The following SNX29 variants were observed in gnomAD, a reference collection of about 807,000 sequenced individuals.
SNX29 encodes the protein sorting nexin 29, also known as sorting nexin-29.
In SNX29, 78 loss-of-function variants were observed where a neutral mutation model predicts 102.1. That is an observed-to-expected ratio of 0.76 (90% CI 0.64 to 0.92). SNX29 has a LOEUF of 0.92. SNX29 is among the 40% of genes least tolerant of loss of function. SNX29 has a pLI of 0.00. For synonymous variants in SNX29, 580 were observed against 414.5 expected, an observed-to-expected ratio of 1.40 and a Z score of -4.85; for missense variants, 1,280 against 1,061.7, an observed-to-expected ratio of 1.21 and a Z score of -2.86.
At chr16:12,543,161 C>T (rs750565867) in intron 20 of SNX29, among the ~76,000 whole-genome samples, 2 of 152,128 alleles carry the variant, frequency 1.3e-5, no homozygotes, top group Non-Finnish European at 2.9e-5. Flanking sequence ...CATAAGTGTT[C>T]TCATCAGCTC....
intron 11 of SNX29, among the ~76,000 whole-genome samples, chr16:12,107,314 A>C (rs1014753617): frequency 2.7e-5 from 4 of 150,886 alleles, no homozygotes; most frequent in South Asian, 4.2e-4. Flanking sequence ...GCACGGGCCA[A>C]TCTGACTGAC....
intron 13 of SNX29, among the ~76,000 whole-genome samples, chr16:12,150,345 T>G (rs1401413103): frequency 6.6e-6 from 1 of 152,086 alleles, no homozygotes; most frequent in Non-Finnish European, 1.5e-5. Context: ...TGATTCCAGT[T>G]GTTTGGTTCT....
chr16:12,403,192 TTGTGTGTGTA>T (rs1414877713), intron 17 of SNX29, among the ~76,000 whole-genome samples: 4,788 of 129,592 alleles, frequency 0.037, 160 homozygotes, highest in African/African-American at 0.085. Flanking sequence ...GGAGTACAGA[TTGTGTGTGTA>T]TGTGTGTGTG....
In SNX29 at chr16:12,569,487, A is replaced by C. The variant is rs2079139599; in HGVS notation, c.*858A>C. 4.3e-6 allele frequency: 1 copy of C among 231,388 alleles called. No individual in the cohort carries two copies. Among genetic ancestry groups the C allele is most frequent in the African/African-American group, 2.2e-5 (1 of 45,242 alleles). 14.3% of individuals were successfully genotyped at this position (231,388 alleles called of 1,614,324 possible). On this transcript the variant is annotated 3_prime_UTR_variant, in exon 21 of 21. Coordinates refer to ENST00000566228, the MANE Select transcript of SNX29 (RefSeq NM_032167.5). Reference sequence around the variant, plus strand: ...GACTTGGGTCAGGGAACCACTGCAGAAGGTTCCAGGGTTTTCAAACCAGGC... The same window carrying C: ...GACTTGGGTCAGGGAACCACTGCAGCAGGTTCCAGGGTTTTCAAACCAGGC...
rs554417632 is a variant in SNX29 at position 12,456,013 on chromosome 16, G to A, written c.2038-21706G>A. On this transcript the variant is annotated intron_variant, in intron 18 of 20. Transcript: ENST00000566228. ...ATAGTAAAGATGAAGACTTGTAAAGGTACAATTGCAAGTAAATGTTCAGGT... is the reference window on the plus strand; with the variant it reads ...ATAGTAAAGATGAAGACTTGTAAAGATACAATTGCAAGTAAATGTTCAGGT... 2.6e-5 allele frequency among the ~76,000 whole-genome samples: 4 copies of A among 152,186 alleles called. No homozygotes were observed. In the South Asian group the frequency reaches 8.3e-4, roughly 32 times the overall value.
chr16:12,306,736 C>G (rs568767007), intron 15 of SNX29, among the ~76,000 whole-genome samples: 151 of 152,362 alleles, frequency 9.9e-4, no homozygotes, highest in Non-Finnish European at 1.8e-3. Context: ...GCTTCCCCAG[C>G]ACTTTAGAAA....
intron 11 of SNX29, among the ~76,000 whole-genome samples, chr16:12,112,523 A>G (rs1001282721): frequency 2.6e-5 from 4 of 152,200 alleles, no homozygotes; most frequent in African/African-American, 7.2e-5. Flanking sequence ...CGCAGAAGGC[A>G]TGGGTGGAAT....
intron 3 of SNX29, among the ~76,000 whole-genome samples, chr16:12,018,900 T>C (rs1209871520): frequency 6.6e-6 from 1 of 152,122 alleles, no homozygotes; most frequent in East Asian, 1.9e-4. Context: ...GGGTATATTA[T>C]CTTTTATTGC....
intron 19 of SNX29, among the ~76,000 whole-genome samples, chr16:12,508,134 T>TA (rs1275411896): frequency 1.2e-4 from 19 of 152,340 alleles, no homozygotes; most frequent in South Asian, 1.2e-3. Context: ...TTTTTGAAGA[T>TA]ACAGTAGCTG....
chr16:12,167,788 C>G (rs142189740), intron 13 of SNX29, among the ~76,000 whole-genome samples: 1,714 of 152,266 alleles, frequency 0.011, 14 homozygotes, highest in Non-Finnish European at 0.019. Flanking sequence ...GATTCTACAT[C>G]AGGGGTTGGC....
At chr16:12,106,243 C>CGGTGGTGT (rs1184820222) in intron 11 of SNX29, among the ~76,000 whole-genome samples, 2 of 152,080 alleles carry the variant, frequency 1.3e-5, no homozygotes, top group Non-Finnish European at 2.9e-5. Context: ...GGAATTGCAT[C>CGGTGGTGT]GGTGGTGTGT....
At chr16:11,979,372 A>T (rs1724392601) in intron 1 of SNX29, among the ~76,000 whole-genome samples, 1 of 151,978 alleles carries the variant, frequency 6.6e-6, no homozygotes, top group Non-Finnish European at 1.5e-5. Flanking sequence ...AAGGATGAAA[A>T]CCTTCTTTTG....
chr16:12,232,857 C>A (rs370309246), intron 14 of SNX29, among the ~76,000 whole-genome samples: 1 of 152,244 alleles, frequency 6.6e-6, no homozygotes, highest in Non-Finnish European at 1.5e-5. Flanking sequence ...TCTGTACTCA[C>A]TATCAGCCTC....
At chr16:12,562,412 T>G (rs923966251) in intron 20 of SNX29, among the ~76,000 whole-genome samples, 1 of 152,168 alleles carries the variant, frequency 6.6e-6, no homozygotes, top group East Asian at 1.9e-4. Context: ...ACCATACAAT[T>G]TACCCACTTA....
In SNX29 at chr16:12,572,808, T is replaced by G. The variant is rs2079216093; in HGVS notation, c.*4179T>G. On this transcript the variant is annotated 3_prime_UTR_variant, in exon 21 of 21. Transcript: ENST00000566228. Reference sequence around the variant, plus strand: ...CTCCTCCTTCCCCAGTACATCAGACTGGTTAGGAGGCATCCCAGAAGGGGC... The same window carrying G: ...CTCCTCCTTCCCCAGTACATCAGACGGGTTAGGAGGCATCCCAGAAGGGGC... 2 of 1,063,862 alleles carry G rather than the reference T, an allele frequency of 1.9e-6. No individual in the cohort carries two copies. Among genetic ancestry groups the G allele is most frequent in the Non-Finnish European group, 2.3e-6 (2 of 878,358 alleles). 65.9% of individuals were successfully genotyped at this position (1,063,862 alleles called of 1,614,324 possible). A position where few individuals can be genotyped will look rare whatever the true frequency, so the allele number is the denominator to read the frequency against.
intron 9 of SNX29, among the ~76,000 whole-genome samples, chr16:12,063,725 G>A (rs542534398): frequency 6.6e-6 from 1 of 151,408 alleles, no homozygotes; most frequent in African/African-American, 2.4e-5. Context: ...GCCCTCCTTG[G>A]CCCACACCAT....
chr16:12,020,899 C>T lies in SNX29; in HGVS notation c.123-6421C>T, dbSNP rs144694292. Among the ~76,000 whole-genome samples, 477 of 152,220 alleles carry T rather than the reference C, an allele frequency of 3.1e-3. 7 individuals are homozygous for T. Among genetic ancestry groups the T allele is most frequent in the African/African-American group, 0.011 (459 of 41,560 alleles). ...TCGGCCTCCCAAAGTGCTGGGATTACAGGCGTGAGCCACTGAGCCCAGCCT... is the reference window on the plus strand; with the variant it reads ...TCGGCCTCCCAAAGTGCTGGGATTATAGGCGTGAGCCACTGAGCCCAGCCT... On this transcript the variant is annotated intron_variant, in intron 3 of 20. Coordinates refer to ENST00000566228, the MANE Select transcript of SNX29 (RefSeq NM_032167.5).
chr16:12,333,191 C>T (rs1344587037), intron 15 of SNX29, among the ~76,000 whole-genome samples: 5 of 150,148 alleles, frequency 3.3e-5, no homozygotes, highest in East Asian at 2.0e-4. Context: ...CTGCAACTTC[C>T]GCCTACCAAG....
At chr16:11,993,549 A>C (rs960097892) in intron 1 of SNX29, among the ~76,000 whole-genome samples, 2 of 152,184 alleles carry the variant, frequency 1.3e-5, no homozygotes, top group Non-Finnish European at 2.9e-5. Context: ...GCACTGTTCT[A>C]GGTGCACAAT....
Sources: gnomAD v4.1 joint callset for allele counts (sites outside exome capture counted in the v4.1 genomes callset) on GRCh38, gnomAD v4.1.1 for gene constraint, MANE v1.5 for transcripts, NCBI Gene and HGNC (gene_info 2026-07-23, HGNC 2026-07-21) for gene names.